Variants in SLC12A7 observed in about 807,000 individuals in gnomAD.
SLC12A7 encodes K-Cl cotransporter 4.
SLC12A7 carries 100 observed loss-of-function variants against 120.6 expected under a neutral mutation model. The observed-to-expected ratio is 0.83, with a 90% CI of 0.71 to 0.98. SLC12A7 has a LOEUF of 0.98. Ranked by LOEUF, SLC12A7 falls within the 50% of genes least tolerant of loss-of-function variation. SLC12A7 has a pLI of 0.00. For synonymous variants in SLC12A7, 760 were observed against 678.0 expected (o/e 1.12, Z -1.88); for missense variants, 1,373 against 1,548.1 (o/e 0.89, Z 1.90).
upstream of SLC12A7, among the ~76,000 whole-genome samples, chr5:1,115,366 G>A (rs1283586784): frequency 2.6e-5 from 4 of 152,208 alleles, no homozygotes; most frequent in Non-Finnish European, 5.9e-5. Flanking sequence ...GAGGCCGCTC[G>A]TGCCCACGGC....
intron 22 of SLC12A7, among the ~76,000 whole-genome samples, chr5:1,055,438 C>T (rs1001742311): frequency 1.3e-5 from 2 of 152,250 alleles, no homozygotes; most frequent in South Asian, 4.1e-4. Flanking sequence ...AAGCCACGCA[C>T]ATCTCACGCC....
chr5:1,051,083 A>C lies in SLC12A7; in HGVS notation c.*1277T>G. 5.0e-6 allele frequency: 2 copies of C among 396,944 alleles called. No homozygotes were observed. Among genetic ancestry groups the C allele is most frequent in the Non-Finnish European group, 8.9e-6 (2 of 225,476 alleles). 24.6% of individuals were successfully genotyped at this position (396,944 alleles called of 1,614,324 possible). A position where few individuals can be genotyped will look rare whatever the true frequency, so the allele number is the denominator to read the frequency against. ...ATATGCCACATAGAAAGGGAGGCCC[A>C]AGTCGGTGCCACTGCCCGCAGCCTG... On this transcript the variant is annotated 3_prime_UTR_variant, in exon 24 of 24. Transcript: ENST00000264930.
chr5:1,086,787 C>T (rs2150864230), intron 6 of SLC12A7, 116 bp downstream of exon 6: 1 of 1,381,674 alleles, frequency 7.2e-7, no homozygotes, highest in African/African-American at 1.4e-5. Context: ...GCAGCCAGGG[C>T]AGTGGGGTCA....
rs1294057156 is a variant in SLC12A7 at position 1,057,519 on chromosome 5, C to A, written c.2978G>T (p.Ser993Ile). 1 of 1,613,410 alleles carries A rather than the reference C, an allele frequency of 6.2e-7. No homozygotes were observed. The highest frequency in any genetic ancestry group is 1.1e-5 in the South Asian group (1 of 91,078). Residue 993 changes from serine to isoleucine, a missense_variant, in exon 22 of 24, where the codon AGC becomes ATC. Physicochemically the swap from Ser to Ile is moderately radical, Grantham distance 142. Transcript: ENST00000264930. ...GAAACCAGATAGGCTGGTGTCTCTGCTCCTGTACTTCTCAGCGATCAGCTT... is the reference window on the plus strand; with the variant it reads ...GAAACCAGATAGGCTGGTGTCTCTGATCCTGTACTTCTCAGCGATCAGCTT... ...REKLIAEKYR[S>I]RDTSLSGFKD... is the part of the protein sequence containing the mutation.
chr5:1,065,923 C>T (rs529763205), intron 17 of SLC12A7, among the ~76,000 whole-genome samples: 3 of 110,692 alleles, frequency 2.7e-5, no homozygotes, highest in Admixed American at 1.7e-4. Context: ...ACAGCAACGG[C>T]GGGGGGCGGG....
At chr5:1,136,346 A>T in the SLC12A7 span, among the ~76,000 whole-genome samples, 2 of 151,920 alleles carry the variant, frequency 1.3e-5, no homozygotes, top group African/African-American at 4.8e-5. Context: ...ACACGCAGGC[A>T]CACACGTGCT....
chr5:1,093,303 C>T (rs1344243858), intron 3 of SLC12A7, among the ~76,000 whole-genome samples: 3 of 152,186 alleles, frequency 2.0e-5, no homozygotes, highest in Non-Finnish European at 4.4e-5. Context: ...ACCCGGCCAC[C>T]CAGATGCATG....
At chr5:1,102,029 T>G (rs1742071860) in intron 1 of SLC12A7, among the ~76,000 whole-genome samples, 1 of 152,206 alleles carries the variant, frequency 6.6e-6, no homozygotes, top group African/African-American at 2.4e-5. Flanking sequence ...AGACACCTTA[T>G]CAACAAAGTG....
the SLC12A7 span, among the ~76,000 whole-genome samples, chr5:1,149,204 G>A: frequency 1.3e-5 from 2 of 148,928 alleles, no homozygotes; most frequent in African/African-American, 5.1e-5. Context: ...TTCCAGCCAT[G>A]CCACTTTACA....
chr5:1,079,372 C>T (rs201356783), intron 10 of SLC12A7, 26 bp downstream of exon 10: 2 of 1,585,804 alleles, frequency 1.3e-6, no homozygotes, highest in Non-Finnish European at 1.7e-6. Context: ...AGGCTGGAAC[C>T]CTCGCCTGCA....
At chr5:1,085,847 C>A (rs1225569140) in intron 6 of SLC12A7, among the ~76,000 whole-genome samples, 1 of 152,242 alleles carries the variant, frequency 6.6e-6, no homozygotes, top group Admixed American at 6.5e-5. Flanking sequence ...AAAGAAACAC[C>A]TTCTGCTAAG....
At chr5:1,143,556 C>T in the SLC12A7 span, among the ~76,000 whole-genome samples, 2 of 152,206 alleles carry the variant, frequency 1.3e-5, no homozygotes, top group Non-Finnish European at 2.9e-5. Context: ...GGTCCTAGCT[C>T]CAGATACAGT....
chr5:1,103,508 G>A (rs560873527), intron 1 of SLC12A7, among the ~76,000 whole-genome samples: 17 of 152,222 alleles, frequency 1.1e-4, no homozygotes, highest in Admixed American at 7.8e-4. Flanking sequence ...TGCTCACACG[G>A]AAGACACTCT....
intron 21 of SLC12A7, 149 bp downstream of exon 21, chr5:1,060,195 G>A (rs1210996993): frequency 9.4e-6 from 6 of 637,702 alleles, no homozygotes; most frequent in South Asian, 1.9e-5. Flanking sequence ...CCACCTCCAC[G>A]CAGGCTGGGG....
chr5:1,149,903 G>A, the SLC12A7 span, among the ~76,000 whole-genome samples: 1 of 152,114 alleles, frequency 6.6e-6, no homozygotes. Flanking sequence ...GGTGGTGCAC[G>A]CCTGCAATTC....
the SLC12A7 span, among the ~76,000 whole-genome samples, chr5:1,142,419 T>C: frequency 0.57 from 16,595 of 28,952 alleles, 4,751 homozygotes; most frequent in South Asian, 0.7. Context: ...TCTCCCCTCC[T>C]CACTCTCTCA....
At chr5:1,112,097 C>T, upstream of SLC12A7, 1 of 1,149,838 alleles carries the variant, frequency 8.7e-7, no homozygotes, top group Non-Finnish European at 1.1e-6. Context: ...CGAGCCGCCC[C>T]GCCCCGCCCG....
chr5:1,154,394 GAC>G, the SLC12A7 span, among the ~76,000 whole-genome samples: 1 of 122,230 alleles, frequency 8.2e-6, no homozygotes, highest in East Asian at 2.3e-4. Context: ...CACACACAGA[GAC>G]ACATACAATG....
At chr5:1,088,156 G>A (rs1386576986) in intron 5 of SLC12A7, 150 bp downstream of exon 5, 5 of 673,920 alleles carry the variant, frequency 7.4e-6, no homozygotes, top group Non-Finnish European at 1.2e-5. Flanking sequence ...AACGCCAGAG[G>A]AGCCAGTGGA....
Sources: allele counts gnomAD v4.1 joint callset (sites outside exome capture counted in the v4.1 genomes callset), GRCh38; gene constraint gnomAD v4.1.1; transcripts MANE v1.5; gene names NCBI Gene and HGNC (gene_info 2026-07-23, HGNC 2026-07-21).